EPGN: variants seen among roughly 807,000 people sequenced by gnomAD.
EPGN encodes the protein epithelial mitogen.
EPGN carries 21 observed loss-of-function variants against 20.7 expected under a neutral mutation model. That is an observed-to-expected ratio of 1.01 (90% CI 0.72 to 1.46). The LOEUF (loss-of-function observed/expected upper bound fraction) is 1.46. Among genes scored for constraint, EPGN ranks in the 40% most tolerant of loss-of-function variants. EPGN has a pLI of 0.00. For missense variants in EPGN, 199 were observed against 180.7 expected (o/e 1.10, Z -0.58); for synonymous variants, 69 against 63.8 (o/e 1.08, Z -0.39).
At chr4:74,309,324 A>G in intron 2 of EPGN, 142 bp downstream of exon 2, 1 of 593,896 alleles carries the variant, frequency 1.7e-6, no homozygotes, top group Non-Finnish European at 2.8e-6. Context: ...GATGCTGTTA[A>G]ATTGAAGTGA....
rs749607941 is a variant in EPGN at position 74,312,979 on chromosome 4, C to T, written c.255-39C>T. ...AACAGGTTATTTGTATTTCTACCAC[C>T]GTAGGTTTTAAAATTAAACTTTTTT... On this transcript the variant is annotated intron_variant, in intron 3 of 4. Coordinates refer to ENST00000413830, the MANE Select transcript of EPGN (RefSeq NM_001270989.2). 1.4e-5 allele frequency: 20 copies of T among 1,460,514 alleles called. No individual in the cohort carries two copies. The East Asian group carries it at 3.5e-4, about 26-fold the overall frequency. The allele number at this position is 1,460,514 out of a possible 1,614,324, so 90.5% of individuals were successfully genotyped here.
At chr4:74,310,031 C>T (rs1421411995) in intron 2 of EPGN, among the ~76,000 whole-genome samples, 1 of 152,142 alleles carries the variant, frequency 6.6e-6, no homozygotes, top group African/African-American at 2.4e-5. Context: ...AAATATTTTA[C>T]CCATTTGATT....
In EPGN at chr4:74,309,188, T is replaced by A. The variant is rs569116633; in HGVS notation, c.133+6T>A. On this transcript the variant is annotated splice_donor_region_variant and intron_variant, in intron 2 of 4. Coordinates refer to ENST00000413830, the MANE Select transcript of EPGN (RefSeq NM_001270989.2). ...GACAGTTAACAAAACAGAAGGTATT[T>A]TCTTCCCATTTTCATATTTCACAAG... The A allele has an allele frequency of 1.2e-6, 2 of 1,609,538 alleles. No homozygotes were observed. The highest frequency in any genetic ancestry group is 3.3e-5 in the Admixed American group (2 of 59,810).
At position 74,314,990 on chromosome 4, in the gene EPGN, A is replaced by C. The variant is rs1751204286; in HGVS notation, c.*353A>C. 4.2e-6 allele frequency: 1 copy of C among 236,636 alleles called. No individual in the cohort carries two copies. The highest frequency in any genetic ancestry group is 8.1e-6 in the Non-Finnish European group (1 of 122,718). 14.7% of individuals were successfully genotyped at this position (236,636 alleles called of 1,614,324 possible). On this transcript the variant is annotated 3_prime_UTR_variant, in exon 5 of 5. Coordinates refer to ENST00000413830, the MANE Select transcript of EPGN (RefSeq NM_001270989.2). ...TGGGAATAATAATCAACCTTGCAGC[A>C]AGCCAAAGCAATGCCTCGCTTGGGT...
intron 2 of EPGN, among the ~76,000 whole-genome samples, chr4:74,310,837 T>C (rs1222538406): frequency 1.3e-5 from 2 of 152,200 alleles, no homozygotes; most frequent in East Asian, 1.9e-4. Context: ...TTGTAAACGC[T>C]ATGCAAATAG....
In EPGN at chr4:74,315,361, C is replaced by A. The variant is rs2110359538; in HGVS notation, c.*724C>A. On this transcript the variant is annotated 3_prime_UTR_variant, in exon 5 of 5. Transcript: ENST00000413830. ...TGGAGTAGGCAAAGCATTTCCATTT[C>A]TACATGGATTATAAAACTTTGTGTT... 1 of 152,298 alleles carries A rather than the reference C, an allele frequency of 6.6e-6. No individual in the cohort carries two copies. Among genetic ancestry groups the A allele is most frequent in the African/African-American group, 2.4e-5 (1 of 41,560 alleles). 9.4% of individuals were successfully genotyped at this position (152,298 alleles called of 1,614,324 possible). A position where few individuals can be genotyped will look rare whatever the true frequency, so the allele number is the denominator to read the frequency against.
Position 74,312,259 on chromosome 4 carries a change from A to G in EPGN, c.208A>G (p.Asn70Asp). The G allele has an allele frequency of 6.2e-7, 1 of 1,613,396 alleles. No homozygotes were observed. The highest frequency in any genetic ancestry group is 1.7e-5 in the Admixed American group (1 of 59,918). Reference sequence around the variant, plus strand: ...GGAAGATCATAACAGTTACTGCATCAACGGTGCTTGTGCATTCCACCATGA... The same window carrying G: ...GGAAGATCATAACAGTTACTGCATCGACGGTGCTTGTGCATTCCACCATGA... ...CLEDHNSYCI[N>D]GACAFHHELE... is the part of the protein sequence containing the mutation. The change falls in exon 3 of 5, where the codon AAC becomes GAC. Residue 70 changes from asparagine (N) to aspartate (D), a missense_variant. By Grantham distance (23) the Asn-to-Asp change is conservative. Coordinates refer to ENST00000413830, the MANE Select transcript of EPGN (RefSeq NM_001270989.2).
intron 2 of EPGN, among the ~76,000 whole-genome samples, chr4:74,310,789 T>C (rs1323068069): frequency 6.6e-6 from 1 of 152,220 alleles, no homozygotes; most frequent in Non-Finnish European, 1.5e-5. Flanking sequence ...CACACCCATG[T>C]ACTTTAAATC....
chr4:74,311,838 A>C (rs1336540073), intron 2 of EPGN, among the ~76,000 whole-genome samples: 3 of 152,260 alleles, frequency 2.0e-5, no homozygotes, highest in Non-Finnish European at 2.9e-5. Context: ...ATTAGTATTC[A>C]GACACAAGTC....
At chr4:74,309,045 C>A in intron 1 of EPGN, 48 bp from the exon 2 acceptor site, 1 of 1,342,574 alleles carries the variant, frequency 7.4e-7, no homozygotes, top group Non-Finnish European at 1.1e-6. Flanking sequence ...GTTGCTTGTA[C>A]ATAGAAGGAG....
intron 4 of EPGN, chr4:74,313,625 C>G: frequency 1.0e-6 from 1 of 996,464 alleles, no homozygotes; most frequent in Non-Finnish European, 1.2e-6. Flanking sequence ...CCATTTCTTC[C>G]CAGACGTCAA....
intron 2 of EPGN, 129 bp downstream of exon 2, chr4:74,309,311 C>A (rs1750741951): frequency 1.6e-6 from 1 of 626,288 alleles, no homozygotes; most frequent in South Asian, 3.2e-5. Flanking sequence ...GCTCTTTTAG[C>A]AGGATGCTGT....
intron 4 of EPGN, chr4:74,313,481 T>A (rs918323615): frequency 8.2e-6 from 10 of 1,214,552 alleles, no homozygotes; most frequent in Non-Finnish European, 1.0e-5. Context: ...GGACTAAGTA[T>A]GTCTTGTTCA....
chr4:74,310,232 C>T (rs1040524997), intron 2 of EPGN, among the ~76,000 whole-genome samples: 2 of 151,806 alleles, frequency 1.3e-5, no homozygotes, highest in Admixed American at 1.3e-4. Context: ...GAGGCCAAGG[C>T]GGGCAGATCA....
At chr4:74,308,700 A>G (rs191289578) in intron 1 of EPGN, 124 bp downstream of exon 1, 142 of 766,394 alleles carry the variant, frequency 1.9e-4, no homozygotes, top group Non-Finnish European at 2.7e-4. Context: ...GATCAGAGTA[A>G]TGAATCTGTG....
intron 2 of EPGN, among the ~76,000 whole-genome samples, chr4:74,310,554 G>T (rs1750869792): frequency 6.6e-6 from 1 of 150,394 alleles, no homozygotes; most frequent in Non-Finnish European, 1.5e-5. Context: ...GTAATAGCAT[G>T]CTCAGTACTA....
At chr4:74,309,400 C>G (rs900757260) in intron 2 of EPGN, among the ~76,000 whole-genome samples, 1 of 152,150 alleles carries the variant, frequency 6.6e-6, no homozygotes, top group Non-Finnish European at 1.5e-5. Context: ...GAGACAAAAG[C>G]TGTCTTCAGT....
Position 74,314,658 on chromosome 4 carries a change from A to T in EPGN, c.*21A>T, listed in dbSNP as rs1398469591. 6.5e-7 allele frequency: 1 copy of T among 1,535,330 alleles called. No individual in the cohort carries two copies. Among genetic ancestry groups the T allele is most frequent in the Non-Finnish European group, 8.7e-7 (1 of 1,146,162 alleles). ...TGTGAGGCCTTTGTGAAGAATTTTC[A>T]TCAAGGCATCTGTAGAGATCAGTGA... On this transcript the variant is annotated 3_prime_UTR_variant, in exon 5 of 5. Transcript: ENST00000413830.
Position 74,309,156 on chromosome 4 carries a change from G to C in EPGN, c.107G>C (p.Gly36Ala). The C allele has an allele frequency of 1.9e-6, 3 of 1,613,062 alleles. No individual in the cohort carries two copies. Among genetic ancestry groups the C allele is most frequent in the Non-Finnish European group, 1.7e-6 (2 of 1,179,342 alleles). Residue 36 changes from glycine (G) to alanine (A), a missense_variant, in exon 2 of 5, where the codon GGT (glycine) becomes GCT (alanine). Coordinates refer to ENST00000413830, the MANE Select transcript of EPGN (RefSeq NM_001270989.2). ...ACACCTCCAATCACAGCCCAGCAAG[G>C]TAACTGGACAGTTAACAAAACAGAA... Reference protein sequence around the residue: ...TVTPPITAQQGNWTVNKTEAD... With the variant: ...TVTPPITAQQANWTVNKTEAD...
Sources: gnomAD v4.1 joint callset for allele counts (sites outside exome capture counted in the v4.1 genomes callset) on GRCh38, gnomAD v4.1.1 for gene constraint, MANE v1.5 for transcripts, NCBI Gene and HGNC (gene_info 2026-07-23, HGNC 2026-07-21) for gene names.